Variants in DLG2 observed in about 807,000 individuals in gnomAD.
The protein encoded by DLG2 is disks large homolog 2.
Under a neutral mutation model 132.5 loss-of-function variants are expected in DLG2, and 45 were observed. The ratio of observed to expected loss-of-function variants is 0.34; its 90% CI spans 0.27 to 0.44. The LOEUF is 0.44. Ranked by LOEUF, DLG2 falls within the 20% of genes least tolerant of loss-of-function variation. DLG2 has a pLI of 1.00. For synonymous variants in DLG2, 424 were observed against 419.6 expected (o/e 1.01, Z -0.13); for missense variants, 1,045 against 1,196.9 (o/e 0.87, Z 1.87).
chr11:85,098,510 C>T (rs679745), intron 6 of DLG2, among the ~76,000 whole-genome samples: 103,467 of 152,092 alleles, frequency 0.68, 35,950 homozygotes, highest in East Asian at 0.93. Context: ...TAAGTTTTAG[C>T]CCAGAATGCA....
chr11:83,614,830 A>G (rs1210849903), intron 19 of DLG2, among the ~76,000 whole-genome samples: 1 of 152,228 alleles, frequency 6.6e-6, no homozygotes, highest in Admixed American at 6.5e-5. Context: ...CCACAGACTG[A>G]TACTTCCAGC....
chr11:83,931,180 T>C (rs114172376), intron 14 of DLG2, among the ~76,000 whole-genome samples: 2,951 of 152,328 alleles, frequency 0.019, 66 homozygotes, highest in East Asian at 0.073. Context: ...CCATCTAATA[T>C]CTTCTGTATA....
intron 6 of DLG2, among the ~76,000 whole-genome samples, chr11:84,889,779 C>T (rs753697624): frequency 1.4e-4 from 21 of 152,156 alleles, no homozygotes; most frequent in African/African-American, 2.7e-4. Context: ...CAGGTGCTTG[C>T]GCAATGGCAT....
At chr11:85,349,673 G>C (rs767861988) in intron 3 of DLG2, among the ~76,000 whole-genome samples, 5 of 152,056 alleles carry the variant, frequency 3.3e-5, no homozygotes, top group Non-Finnish European at 7.3e-5. Flanking sequence ...TTGGTTTTCT[G>C]TCATTGTGAT....
At chr11:85,335,241 C>CTTT (rs34680409) in intron 3 of DLG2, among the ~76,000 whole-genome samples, 2 of 148,266 alleles carry the variant, frequency 1.3e-5, no homozygotes, top group Admixed American at 6.7e-5. Flanking sequence ...AGCATCTCTG[C>CTTT]TTTTTTTTTT....
intron 21 of DLG2, among the ~76,000 whole-genome samples, chr11:83,517,571 C>T (rs1019998354): frequency 6.6e-6 from 1 of 152,180 alleles, no homozygotes. Context: ...TGAGGAGCTG[C>T]GTTCCTTTGG....
At chr11:83,820,617 A>G (rs923595051) in intron 17 of DLG2, among the ~76,000 whole-genome samples, 10 of 152,178 alleles carry the variant, frequency 6.6e-5, no homozygotes, top group African/African-American at 2.4e-4. Context: ...GGATGTTTCA[A>G]ATGAAAATAT....
intron 8 of DLG2, among the ~76,000 whole-genome samples, chr11:84,232,402 T>C (rs551830773): frequency 2.6e-5 from 4 of 152,318 alleles, no homozygotes; most frequent in Admixed American, 2.0e-4. Flanking sequence ...AGAACTTTTA[T>C]TACATGAGTT....
chr11:84,903,916 T>A (rs1469608220), intron 6 of DLG2, among the ~76,000 whole-genome samples: 2 of 152,086 alleles, frequency 1.3e-5, no homozygotes, highest in Non-Finnish European at 2.9e-5. Context: ...GTTTTACAGA[T>A]AAATGAAAAA....
chr11:85,246,232 A>G (rs769620979), intron 4 of DLG2, among the ~76,000 whole-genome samples: 1 of 151,996 alleles, frequency 6.6e-6, no homozygotes, highest in African/African-American at 2.4e-5. Flanking sequence ...ATAAGTATCA[A>G]GTAAGTAACA....
intron 5 of DLG2, chr11:85,133,241 C>T (rs1055821125): frequency 3.8e-5 from 6 of 157,300 alleles, no homozygotes; most frequent in African/African-American, 1.4e-4. Context: ...AAAGTCCCCC[C>T]TTTGTTGCCT....
intron 7 of DLG2, among the ~76,000 whole-genome samples, chr11:84,308,946 G>A (rs1347790485): frequency 6.6e-6 from 1 of 152,208 alleles, no homozygotes; most frequent in African/African-American, 2.4e-5. Flanking sequence ...AGCTGAGGGA[G>A]CCGGCTCCGG....
chr11:84,207,627 C>T (rs563435764), intron 8 of DLG2, among the ~76,000 whole-genome samples: 44 of 152,222 alleles, frequency 2.9e-4, no homozygotes, highest in African/African-American at 1.0e-3. Context: ...ACATCATACA[C>T]AACAAGTATT....
At chr11:85,259,288 T>C (rs2076822709) in intron 4 of DLG2, among the ~76,000 whole-genome samples, 1 of 152,140 alleles carries the variant, frequency 6.6e-6, no homozygotes, top group African/African-American at 2.4e-5. Flanking sequence ...TGCTTCATCA[T>C]TTGAAGATGC....
At chr11:83,658,330 CTAAATCTCCAACAGA>C (rs1413859588) in intron 18 of DLG2, among the ~76,000 whole-genome samples, 2 of 152,262 alleles carry the variant, frequency 1.3e-5, no homozygotes, top group Admixed American at 1.3e-4. Flanking sequence ...CTGTAATAAT[CTAAATCTCCAACAGA>C]TAGATGAGAG....
chr11:85,381,534 T>C lies in DLG2; in HGVS notation c.41-96169A>G, dbSNP rs576950652. 3.9e-5 allele frequency among the ~76,000 whole-genome samples: 6 copies of C among 152,158 alleles called. No individual in the cohort carries two copies. The South Asian group carries it at 8.3e-4, about 21-fold the overall frequency. ...GCAAGAAAAAGAAATCAAAGTCATC[T>C]AGACTGAAAAGGAAGAAATCAAATT... is the stretch of plus-strand genomic sequence containing the variant. On this transcript the variant is annotated intron_variant, in intron 3 of 27. Transcript: ENST00000376104.
rs573787638 is a variant in DLG2 at position 83,871,534 on chromosome 11, C to T, written c.1565+2886G>A. Among the ~76,000 whole-genome samples, 54 of 152,238 alleles carry T rather than the reference C, an allele frequency of 3.5e-4. 2 individuals are homozygous for T. Among genetic ancestry groups the T allele is most frequent in the Middle Eastern group, 3.4e-3 (1 of 292 alleles). On this transcript the variant is annotated intron_variant, in intron 16 of 27. Coordinates refer to ENST00000376104, the MANE Select transcript of DLG2 (RefSeq NM_001142699.3). ...GAGAGTTTTCAAATAATGGGATTTG[C>T]AATTTCAGTTGATTGCCTACACTGA...
intron 3 of DLG2, among the ~76,000 whole-genome samples, chr11:85,386,404 C>T (rs1200951153): frequency 6.6e-6 from 1 of 152,112 alleles, no homozygotes; most frequent in Non-Finnish European, 1.5e-5. Context: ...AATGTCGACA[C>T]CCTACCTCCA....
intron 8 of DLG2, among the ~76,000 whole-genome samples, chr11:84,247,150 C>T (rs1306211705): frequency 6.6e-6 from 1 of 152,114 alleles, no homozygotes; most frequent in East Asian, 1.9e-4. Context: ...AATAAAAAAG[C>T]ATTCTAGAAT....
Sources: gnomAD v4.1 joint callset for allele counts (sites outside exome capture counted in the v4.1 genomes callset) on GRCh38, gnomAD v4.1.1 for gene constraint, MANE v1.5 for transcripts, NCBI Gene and HGNC (gene_info 2026-07-23, HGNC 2026-07-21) for gene names.